IDE: variants seen among roughly 807,000 people sequenced by gnomAD.
IDE encodes the protein insulin degrading enzyme, also known as insulin-degrading enzyme.
A neutral mutation model predicts 133.2 loss-of-function variants in IDE; 58 were observed. The ratio of observed to expected loss-of-function variants is 0.44; its 90% CI spans 0.35 to 0.54. The LOEUF (loss-of-function observed/expected upper bound fraction) is 0.54. Ranked by LOEUF, IDE falls within the 20% of genes least tolerant of loss-of-function variation. The probability of loss-of-function intolerance (pLI) is 0.00; values close to 1 mark genes in which losing one functional copy is unlikely to be tolerated. For synonymous variants in IDE, 396 were observed against 421.3 expected (o/e 0.94, Z 0.73); for missense variants, 981 against 1,234.0 (o/e 0.79, Z 3.07).
At chr10:92,548,527 C>CAGT (rs1842636455) in intron 1 of IDE, among the ~76,000 whole-genome samples, 1 of 152,044 alleles carries the variant, frequency 6.6e-6, no homozygotes, top group African/African-American at 2.4e-5. Flanking sequence ...TCCTGGTACA[C>CAGT]AGTAGTCATC....
chr10:92,475,585 A>G (rs1326837155), intron 16 of IDE, among the ~76,000 whole-genome samples: 1 of 152,160 alleles, frequency 6.6e-6, no homozygotes, highest in Non-Finnish European at 1.5e-5. Flanking sequence ...GGGATGGAAC[A>G]TTCAAGGAGG....
At chr10:92,479,234 A>G (rs775412065) in intron 15 of IDE, 43 bp downstream of exon 15, 1 of 1,461,462 alleles carries the variant, frequency 6.8e-7, no homozygotes, top group Non-Finnish European at 9.3e-7. Flanking sequence ...AATCAATATA[A>G]AAAATGTTGA....
At chr10:92,570,585 T>C (rs181363283) in intron 1 of IDE, among the ~76,000 whole-genome samples, 6 of 152,084 alleles carry the variant, frequency 3.9e-5, no homozygotes, top group African/African-American at 1.4e-4. Flanking sequence ...TTAGGAGATA[T>C]AAAATACCAA....
intron 5 of IDE, among the ~76,000 whole-genome samples, chr10:92,513,835 T>C (rs1330392169): frequency 6.6e-6 from 1 of 151,952 alleles, no homozygotes; most frequent in Non-Finnish European, 1.5e-5. Flanking sequence ...GATAAAGCAG[T>C]GAACAAAACA....
chr10:92,545,510 T>C (rs368734720), intron 1 of IDE, among the ~76,000 whole-genome samples: 12 of 152,330 alleles, frequency 7.9e-5, no homozygotes, highest in East Asian at 3.9e-4. Context: ...TTGGATAAAC[T>C]AGTTCCAGAA....
intron 9 of IDE, among the ~76,000 whole-genome samples, chr10:92,507,180 G>A (rs1848335905): frequency 6.6e-6 from 1 of 151,550 alleles, no homozygotes; most frequent in Admixed American, 6.6e-5. Context: ...CATACATAAA[G>A]CAATTCATTA....
At chr10:92,548,046 T>C (rs997447936) in intron 1 of IDE, among the ~76,000 whole-genome samples, 2 of 152,100 alleles carry the variant, frequency 1.3e-5, no homozygotes, top group South Asian at 2.1e-4. Flanking sequence ...CATCTTGGCC[T>C]CATCTAGTTT....
intron 7 of IDE, 31 bp from the exon 8 acceptor site, chr10:92,508,236 G>T: frequency 6.5e-7 from 1 of 1,531,982 alleles, no homozygotes; most frequent in South Asian, 1.2e-5. Flanking sequence ...CAATACGATT[G>T]ATTGCATATG....
chr10:92,573,403 CAA>C (rs1843883200), intron 1 of IDE, among the ~76,000 whole-genome samples: 1 of 152,206 alleles, frequency 6.6e-6, no homozygotes. Flanking sequence ...GGGAGGCAGG[CAA>C]ACTTTTTTCC....
chr10:92,515,261 C>CTT lies in IDE; in HGVS notation c.662-221_662-220dup, dbSNP rs1220283000. ...GTCGTCTCTACGGAATTAAAAGTGT[C>CTT]TTTTTTTTTTTTTTTTGAGACGGAG... On this transcript the variant is annotated intron_variant, in intron 4 of 24. Coordinates refer to ENST00000265986, the MANE Select transcript of IDE (RefSeq NM_004969.4). Among the ~76,000 whole-genome samples the CTT allele has an allele frequency of 4.4e-3, 616 of 139,022 alleles. 3 individuals carry two copies. The highest frequency in any genetic ancestry group is 0.015 in the African/African-American group (575 of 38,182). The allele number at this position is 139,022 out of a possible 152,430, so 91.2% of individuals were successfully genotyped here.
At chr10:92,499,573 C>CA (rs1225111394) in intron 11 of IDE, among the ~76,000 whole-genome samples, 14 of 152,106 alleles carry the variant, frequency 9.2e-5, no homozygotes, top group African/African-American at 3.4e-4. Flanking sequence ...GCTGGGACTA[C>CA]AGGCACGTAC....
chr10:92,497,751 C>G, intron 11 of IDE: 2 of 974,438 alleles, frequency 2.1e-6, no homozygotes, highest in Non-Finnish European at 2.4e-6. Context: ...TGACCTACTA[C>G]AGTTACAACT....
Position 92,549,826 on chromosome 10 carries a change from G to C in IDE, c.99-12276C>G, listed in dbSNP as rs138906541. 7.5e-3 allele frequency among the ~76,000 whole-genome samples: 1,138 copies of C among 152,136 alleles called. 16 individuals carry two copies. The highest frequency in any genetic ancestry group is 0.026 in the African/African-American group (1,087 of 41,492). ...AAAGTTATTTGGTTGGAACCACATA[G>C]GTATAAAATAGAAGAGCTAGGATTC... is the stretch of plus-strand genomic sequence containing the variant. On this transcript the variant is annotated intron_variant, in intron 1 of 24. Transcript: ENST00000265986.
In IDE at chr10:92,452,545, C is replaced by T. The variant is rs149625416; in HGVS notation, c.*1899G>A. On this transcript the variant is annotated 3_prime_UTR_variant, in exon 25 of 25. Coordinates refer to ENST00000265986, the MANE Select transcript of IDE (RefSeq NM_004969.4). ...CAACCTGGAAATTGGAAAATGCTGA[C>T]GCATACCAAACAATTGCAGGTTCAT... The T allele has an allele frequency of 1.3e-5, 2 of 152,176 alleles. No individual in the cohort carries two copies. Among genetic ancestry groups the T allele is most frequent in the East Asian group, 1.9e-4 (1 of 5,198 alleles). The allele number at this position is 152,176 out of a possible 1,614,324, so 9.4% of individuals were successfully genotyped here. A position where few individuals can be genotyped will look rare whatever the true frequency, so the allele number is the denominator to read the frequency against.
chr10:92,467,681 G>A (rs912346269), intron 19 of IDE, among the ~76,000 whole-genome samples: 1 of 152,192 alleles, frequency 6.6e-6, no homozygotes, highest in South Asian at 2.1e-4. Flanking sequence ...CAACTGTTAT[G>A]GCTCTTGCAT....
chr10:92,483,070 G>A (rs995667861), intron 14 of IDE, among the ~76,000 whole-genome samples, 185 bp downstream of exon 14: 16 of 152,086 alleles, frequency 1.1e-4, no homozygotes, highest in Admixed American at 7.9e-4. Context: ...GTGAGCCACC[G>A]TGCCCGGCCA....
chr10:92,486,566 G>A (rs1426737800), intron 13 of IDE, among the ~76,000 whole-genome samples: 2 of 151,786 alleles, frequency 1.3e-5, no homozygotes, highest in Non-Finnish European at 2.9e-5. Context: ...GAAGAAATAC[G>A]TTTAGAAGGG....
chr10:92,559,942 G>T (rs1173801486), intron 1 of IDE, among the ~76,000 whole-genome samples: 1 of 151,974 alleles, frequency 6.6e-6, no homozygotes, highest in Admixed American at 6.6e-5. Flanking sequence ...CCACTATGTT[G>T]CACAGGCTAG....
At chr10:92,458,161 A>C (rs1845130646) in intron 22 of IDE, among the ~76,000 whole-genome samples, 1 of 152,222 alleles carries the variant, frequency 6.6e-6, no homozygotes, top group African/African-American at 2.4e-5. Context: ...ACCTTCTTGC[A>C]AACTATTAAT....
Sources: allele counts gnomAD v4.1 joint callset (sites outside exome capture counted in the v4.1 genomes callset), GRCh38; gene constraint gnomAD v4.1.1; transcripts MANE v1.5; gene names NCBI Gene and HGNC (gene_info 2026-07-23, HGNC 2026-07-21).